TRHR: variants seen among roughly 807,000 people sequenced by gnomAD.
The protein encoded by TRHR is thyrotropin releasing hormone receptor.
In TRHR, 14 loss-of-function variants were observed where a neutral mutation model predicts 28.0. The ratio of observed to expected loss-of-function variants is 0.50; its 90% confidence interval spans 0.33 to 0.78. TRHR has a LOEUF of 0.78. TRHR is among the 30% of genes least tolerant of loss of function. TRHR has a pLI of 0.02. For synonymous variants in TRHR, 176 were observed against 171.9 expected, an observed-to-expected ratio of 1.02 and a Z score of -0.18; for missense variants, 438 against 469.5, an observed-to-expected ratio of 0.93 and a Z score of 0.62.
intron 2 of TRHR, among the ~76,000 whole-genome samples, chr8:109,102,029 A>C (rs1811684340): frequency 6.6e-6 from 1 of 152,156 alleles, no homozygotes; most frequent in Admixed American, 6.6e-5. Flanking sequence ...ATAAATGTAA[A>C]GATAAGGACT....
intron 2 of TRHR, among the ~76,000 whole-genome samples, chr8:109,089,698 C>G (rs751503451): frequency 2.6e-5 from 4 of 151,790 alleles, no homozygotes; most frequent in Non-Finnish European, 5.9e-5. Flanking sequence ...CATTTATTAC[C>G]CAAAACTTGA....
At chr8:109,117,426 T>C (rs184437494) in intron 2 of TRHR, among the ~76,000 whole-genome samples, 284 of 152,038 alleles carry the variant, frequency 1.9e-3, no homozygotes, top group African/African-American at 6.4e-3. Context: ...AATGTTTATA[T>C]GGCATTTTTC....
In TRHR at chr8:109,119,553, A is replaced by G; in HGVS notation, c.*98A>G. On this transcript the variant is annotated 3_prime_UTR_variant, in exon 3 of 3. Coordinates refer to ENST00000518632, the MANE Select transcript of TRHR (RefSeq NM_003301.7). ...GGCCAATAGTCATATGTGAAGACAG[A>G]GCAGATCAGTCTTTGTCAATGCTCT... 2.1e-6 allele frequency: 3 copies of G among 1,427,818 alleles called. No homozygotes were observed. The highest frequency in any genetic ancestry group is 2.8e-5 in the African/African-American group (2 of 71,390). 88.4% of individuals were successfully genotyped at this position (1,427,818 alleles called of 1,614,324 possible). A position where few individuals can be genotyped will look rare whatever the true frequency, so the allele number is the denominator to read the frequency against.
chr8:109,087,728 C>T lies in TRHR; in HGVS notation c.216C>T (p.Leu72=), dbSNP rs148038799. The change falls in exon 2 of 3, where the codon CTC becomes CTT. Residue 72 remains leucine, a synonymous_variant. Coordinates refer to ENST00000518632, the MANE Select transcript of TRHR (RefSeq NM_003301.7). ...TGGTGAGCCTGGCAGTAGCTGATCTCATGGTCTTGGTGGCCGCAGGCCTCC... is the reference window on the plus strand; with the variant it reads ...TGGTGAGCCTGGCAGTAGCTGATCTTATGGTCTTGGTGGCCGCAGGCCTCC... ...CYLVSLAVAD[L]MVLVAAGLPN... 21 of 1,614,064 alleles carry T rather than the reference C, an allele frequency of 1.3e-5. No individual in the cohort carries two copies. The East Asian group carries it at 3.1e-4, about 24-fold the overall frequency.
intron 2 of TRHR, among the ~76,000 whole-genome samples, chr8:109,109,092 G>A (rs1811791179): frequency 6.6e-6 from 1 of 152,180 alleles, no homozygotes; most frequent in South Asian, 2.1e-4. Flanking sequence ...TAGTATCACA[G>A]CGTGAATAAG....
intron 2 of TRHR, among the ~76,000 whole-genome samples, chr8:109,089,475 T>C (rs2129866918): frequency 6.6e-6 from 1 of 152,226 alleles, no homozygotes; most frequent in East Asian, 1.9e-4. Context: ...CTAAAAAATT[T>C]AAGTGTTTTA....
At chr8:109,107,095 A>C (rs1029081432) in intron 2 of TRHR, among the ~76,000 whole-genome samples, 4 of 152,200 alleles carry the variant, frequency 2.6e-5, no homozygotes, top group Admixed American at 6.5e-5. Flanking sequence ...TGTATAATAA[A>C]GAGAATGGAA....
In TRHR at chr8:109,099,289, C is replaced by T. The variant is rs1361860785; in HGVS notation, c.789+10988C>T. Among the ~76,000 whole-genome samples, 4 of 152,118 alleles carry T rather than the reference C, an allele frequency of 2.6e-5. No individual in the cohort carries two copies. The East Asian group carries it at 7.7e-4, about 29-fold the overall frequency. On this transcript the variant is annotated intron_variant, in intron 2 of 2. Coordinates refer to ENST00000518632, the MANE Select transcript of TRHR (RefSeq NM_003301.7). ...GCGGTTGAATTTAAAGCATGAAGAG[C>T]AGACTGACAAACACTGAGGTCTAGA...
At chr8:109,097,254 AG>A (rs1811607526) in intron 2 of TRHR, among the ~76,000 whole-genome samples, 1 of 152,212 alleles carries the variant, frequency 6.6e-6, no homozygotes, top group African/African-American at 2.4e-5. Context: ...AGAGGTATAA[AG>A]ATGAGAACAA....
chr8:109,114,071 T>A (rs1226718765), intron 2 of TRHR, among the ~76,000 whole-genome samples: 4 of 152,096 alleles, frequency 2.6e-5, no homozygotes, highest in African/African-American at 9.7e-5. Context: ...TGAGAAGGAC[T>A]GAATCCAAAC....
Position 109,119,049 on chromosome 8 carries a change from T to TCC in TRHR, c.792_793insCC (p.Thr265ProfsTer9), listed in dbSNP as rs763760617. ...GCATTTCTCTCTATTTCTCCCTAGGTCACCAAGATGCTGGCAGTGGTTGTA... is the reference window on the plus strand; with the variant it reads ...GCATTTCTCTCTATTTCTCCCTAGGTCCCACCAAGATGCTGGCAGTGGTTGTA... On this transcript the variant is annotated frameshift_variant and splice_region_variant, in exon 3 of 3. Coordinates refer to ENST00000518632, the MANE Select transcript of TRHR (RefSeq NM_003301.7). LOFTEE classifies it high-confidence loss of function. The TCC allele has an allele frequency of 5.0e-6, 8 of 1,612,590 alleles. No homozygotes were observed. Among genetic ancestry groups the TCC allele is most frequent in the Non-Finnish European group, 6.8e-6 (8 of 1,178,984 alleles).
chr8:109,105,885 T>C (rs1811743671), intron 2 of TRHR, among the ~76,000 whole-genome samples: 2 of 152,282 alleles, frequency 1.3e-5, no homozygotes, highest in South Asian at 4.1e-4. Flanking sequence ...GGCTAAAATA[T>C]TTACTATCTA....
At chr8:109,099,479 G>A (rs894026675) in intron 2 of TRHR, among the ~76,000 whole-genome samples, 11 of 152,308 alleles carry the variant, frequency 7.2e-5, no homozygotes, top group Middle Eastern at 3.4e-3. Flanking sequence ...AAGGGGAGAC[G>A]CAGTTAAAAG....
Position 109,119,452 on chromosome 8 carries a change from T to A in TRHR, c.1194T>A (p.Ser398Arg). The change falls in exon 3 of 3, where the codon AGT (serine) becomes AGA (arginine). Residue 398 changes from serine to arginine, a missense_variant. Transcript: ENST00000518632. ...CLASEVSFSQ[S>R] ...CTTCTGAGGTATCCTTTAGCCAAAG[T>A]TGATTCATGAATTAGAAGAAAATGG... The A allele has an allele frequency of 6.2e-7, 1 of 1,611,704 alleles. No individual in the cohort carries two copies. The highest frequency in any genetic ancestry group is 8.5e-7 in the Non-Finnish European group (1 of 1,178,860).
At position 109,119,229 on chromosome 8, in the gene TRHR, C is replaced by T. The variant is rs1411216110; in HGVS notation, c.971C>T (p.Ser324Phe). The T allele has an allele frequency of 5.0e-6, 8 of 1,612,784 alleles. No homozygotes were observed. In the South Asian group the frequency reaches 8.8e-5, roughly 18 times the overall value. ...AINPVIYNLM[S>F]QKFRAAFRKL... ...AACCCGGTGATTTACAATCTCATGT[C>T]CCAGAAATTCCGTGCAGCCTTCAGA... is the stretch of plus-strand genomic sequence containing the variant. The change falls in exon 3 of 3, where the codon TCC becomes TTC. Residue 324 changes from serine (S) to phenylalanine (F), a missense_variant. Coordinates refer to ENST00000518632, the MANE Select transcript of TRHR (RefSeq NM_003301.7).
intron 2 of TRHR, among the ~76,000 whole-genome samples, chr8:109,107,005 G>A (rs963227467): frequency 2.6e-5 from 4 of 152,142 alleles, no homozygotes; most frequent in African/African-American, 9.7e-5. Flanking sequence ...AGGGAGACAT[G>A]AGGGAAAGTA....
At chr8:109,111,876 A>G (rs1186807362) in intron 2 of TRHR, among the ~76,000 whole-genome samples, 1 of 152,244 alleles carries the variant, frequency 6.6e-6, no homozygotes, top group African/African-American at 2.4e-5. Flanking sequence ...CACAAATTAA[A>G]GTTATCTGCT....
intron 2 of TRHR, among the ~76,000 whole-genome samples, chr8:109,104,698 A>G (rs1811724484): frequency 6.6e-6 from 1 of 152,128 alleles, no homozygotes; most frequent in African/African-American, 2.4e-5. Flanking sequence ...ATGAGGCAAC[A>G]TTGCAGACTC....
chr8:109,090,263 A>G (rs1811500183), intron 2 of TRHR, among the ~76,000 whole-genome samples: 3 of 152,250 alleles, frequency 2.0e-5, no homozygotes. Context: ...ACTGAGTATT[A>G]ACTGGCTCCT....
Sources: gnomAD v4.1 joint callset for allele counts (sites outside exome capture counted in the v4.1 genomes callset) on GRCh38, gnomAD v4.1.1 for gene constraint, MANE v1.5 for transcripts, NCBI Gene and HGNC (gene_info 2026-07-23, HGNC 2026-07-21) for gene names.